Variants in SGCZ observed in about 807,000 individuals in gnomAD.
SGCZ encodes zeta-sarcoglycan.
SGCZ carries 40 observed loss-of-function variants against 41.3 expected under a neutral mutation model. The observed-to-expected ratio is 0.97, with a 90% confidence interval of 0.75 to 1.26. SGCZ has a LOEUF of 1.26. SGCZ is among the 50% of genes most tolerant of loss of function. The probability of loss-of-function intolerance (pLI) is 0.00; values close to 1 mark genes in which losing one functional copy is unlikely to be tolerated. For missense variants in SGCZ, 552 were observed against 369.8 expected, an observed-to-expected ratio of 1.49 and a Z score of -4.04; for synonymous variants, 206 against 137.5, an observed-to-expected ratio of 1.50 and a Z score of -3.49.
In SGCZ at chr8:15,066,080, G is replaced by A. The variant is rs560017334; in HGVS notation, c.39+171505C>T. Among the ~76,000 whole-genome samples, 217 of 151,482 alleles carry A rather than the reference G, an allele frequency of 1.4e-3. 1 individual carries two copies. Among genetic ancestry groups the A allele is most frequent in the African/African-American group, 4.6e-3 (192 of 41,306 alleles). On this transcript the variant is annotated intron_variant, in intron 1 of 7. Coordinates refer to ENST00000382080, the MANE Select transcript of SGCZ (RefSeq NM_139167.4). ...TCCCAGCACTTTGGGAGGCCGAGGC[G>A]GGTGGATCATGAGGTCAGGAGATCG...
At chr8:14,618,300 T>A (rs750292065) in intron 1 of SGCZ, among the ~76,000 whole-genome samples, 3 of 152,028 alleles carry the variant, frequency 2.0e-5, no homozygotes, top group Non-Finnish European at 2.9e-5. Flanking sequence ...GAGATAGGGG[T>A]TGAATAGAGC....
intron 1 of SGCZ, among the ~76,000 whole-genome samples, chr8:14,754,308 G>T (rs1799589932): frequency 6.6e-6 from 1 of 152,136 alleles, no homozygotes; most frequent in Non-Finnish European, 1.5e-5. Flanking sequence ...ACTTAGAATT[G>T]CAGTCTTCCC....
At chr8:14,673,416 C>A (rs1808169655) in intron 1 of SGCZ, among the ~76,000 whole-genome samples, 1 of 151,604 alleles carries the variant, frequency 6.6e-6, no homozygotes, top group South Asian at 2.1e-4. Flanking sequence ...CTCTCTCGCG[C>A]TCGCGCTGTC....
chr8:15,021,775 A>G (rs1197189680), intron 1 of SGCZ, among the ~76,000 whole-genome samples: 1 of 152,168 alleles, frequency 6.6e-6, no homozygotes, highest in Non-Finnish European at 1.5e-5. Context: ...CAAATGGTCT[A>G]TATTTGTTAT....
chr8:15,047,566 A>T (rs1455867904), intron 1 of SGCZ, among the ~76,000 whole-genome samples: 1 of 152,020 alleles, frequency 6.6e-6, no homozygotes, highest in Non-Finnish European at 1.5e-5. Flanking sequence ...ATTCACTAAG[A>T]GTTTGAATTT....
intron 1 of SGCZ, among the ~76,000 whole-genome samples, chr8:15,165,211 C>T (rs1799627853): frequency 6.6e-6 from 1 of 151,978 alleles, no homozygotes; most frequent in South Asian, 2.1e-4. Flanking sequence ...TGCATGAACC[C>T]GGGAGGCAGA....
At position 14,556,818 on chromosome 8, in the gene SGCZ, T is replaced by C. The variant is rs186853405; in HGVS notation, c.40-1892A>G. Among the ~76,000 whole-genome samples the C allele has an allele frequency of 1.0e-3, 155 of 152,202 alleles. No individual in the cohort carries two copies. In the Middle Eastern group the frequency reaches 0.014, roughly 13 times the overall value. On this transcript the variant is annotated intron_variant, in intron 1 of 7. Coordinates refer to ENST00000382080, the MANE Select transcript of SGCZ (RefSeq NM_139167.4). The stretch of plus-strand genomic sequence containing the variant: ...AGTAGTATTCCACTGTACATATATA[T>C]ACCACAGCTTATTGACTGATGGGCA...
chr8:14,527,041 C>T (rs1802970864), intron 2 of SGCZ, among the ~76,000 whole-genome samples: 1 of 150,030 alleles, frequency 6.7e-6, no homozygotes, highest in Admixed American at 6.6e-5. Flanking sequence ...CTCGTCAATG[C>T]CTTCTTAATA....
intron 1 of SGCZ, among the ~76,000 whole-genome samples, chr8:15,030,636 C>T (rs573649332): frequency 7.9e-5 from 12 of 152,226 alleles, no homozygotes; most frequent in African/African-American, 2.2e-4. Flanking sequence ...GTATCTACTG[C>T]GCACAAGGGA....
chr8:14,870,227 A>G (rs1315234521), intron 1 of SGCZ, among the ~76,000 whole-genome samples: 2 of 152,176 alleles, frequency 1.3e-5, no homozygotes, highest in African/African-American at 4.8e-5. Flanking sequence ...GAACAGATAG[A>G]TAGACCAATG....
Position 14,113,406 on chromosome 8 carries a change from A to T in SGCZ, c.548-5171T>A, listed in dbSNP as rs1391472748. Among the ~76,000 whole-genome samples, 7 of 152,210 alleles carry T rather than the reference A, an allele frequency of 4.6e-5. No homozygotes were observed. In the East Asian group the frequency reaches 1.4e-3, roughly 29 times the overall value. On this transcript the variant is annotated intron_variant, in intron 5 of 7. Coordinates refer to ENST00000382080, the MANE Select transcript of SGCZ (RefSeq NM_139167.4). ...TACATTTTATATTTTTAATTATAAC[A>T]GTTGCTTACGTTTCAGGCCAAAAAA...
intron 1 of SGCZ, among the ~76,000 whole-genome samples, chr8:15,138,589 G>C (rs1294447426): frequency 6.6e-6 from 1 of 152,134 alleles, no homozygotes; most frequent in African/African-American, 2.4e-5. Flanking sequence ...TGTTTCACAA[G>C]ATCTGGTGGT....
At chr8:14,544,107 CA>C (rs1425180303) in intron 2 of SGCZ, among the ~76,000 whole-genome samples, 4 of 152,076 alleles carry the variant, frequency 2.6e-5, no homozygotes, top group African/African-American at 9.7e-5. Context: ...TCAGGGACCC[CA>C]AACGGAGGGA....
At chr8:14,168,290 G>C (rs1003583297) in intron 4 of SGCZ, among the ~76,000 whole-genome samples, 3 of 151,016 alleles carry the variant, frequency 2.0e-5, no homozygotes, top group Non-Finnish European at 2.9e-5. Flanking sequence ...AACAAACTAA[G>C]TTTAAAACAA....
At chr8:15,213,769 T>C (rs1275049599) in intron 1 of SGCZ, among the ~76,000 whole-genome samples, 2 of 152,032 alleles carry the variant, frequency 1.3e-5, no homozygotes, top group African/African-American at 2.4e-5. Flanking sequence ...TACTGTTTTA[T>C]GTCTTGAGAA....
chr8:14,607,028 T>A (rs964559733), intron 1 of SGCZ, among the ~76,000 whole-genome samples: 1 of 152,132 alleles, frequency 6.6e-6, no homozygotes, highest in African/African-American at 2.4e-5. Flanking sequence ...CATACTGAAA[T>A]GAGAAAATCA....
At chr8:14,224,981 C>A (rs187305195) in intron 4 of SGCZ, among the ~76,000 whole-genome samples, 3 of 152,080 alleles carry the variant, frequency 2.0e-5, no homozygotes, top group Non-Finnish European at 4.4e-5. Context: ...AGCCAGTAAC[C>A]CTGTGAACTT....
intron 1 of SGCZ, among the ~76,000 whole-genome samples, chr8:14,945,986 T>G: frequency 9.5e-6 from 1 of 104,832 alleles, no homozygotes; most frequent in Non-Finnish European, 1.8e-5. Context: ...CATAAGCCAA[T>G]TCCCCTACTA....
chr8:14,996,528 A>C (rs748350348), intron 1 of SGCZ, among the ~76,000 whole-genome samples: 1 of 152,176 alleles, frequency 6.6e-6, no homozygotes, highest in Non-Finnish European at 1.5e-5. Context: ...CAGCCTCCCA[A>C]GTAGCTGGGA....
Sources: allele counts gnomAD v4.1 joint callset (sites outside exome capture counted in the v4.1 genomes callset), GRCh38; gene constraint gnomAD v4.1.1; transcripts MANE v1.5; gene names NCBI Gene and HGNC (gene_info 2026-07-23, HGNC 2026-07-21).